Variants in RHBDD1 observed in about 807,000 individuals in gnomAD.
The protein encoded by RHBDD1 is rhomboid-related protein 4.
Under a neutral mutation model 36.3 loss-of-function variants are expected in RHBDD1, and 38 were observed. The observed-to-expected ratio is 1.05, with a 90% CI of 0.81 to 1.37. The LOEUF (loss-of-function observed/expected upper bound fraction) is 1.37. RHBDD1 is among the 40% of genes most tolerant of loss of function. The pLI, the probability that RHBDD1 is intolerant of heterozygous loss-of-function variation, is 0.00. For synonymous variants in RHBDD1, 151 were observed against 136.5 expected, an observed-to-expected ratio of 1.11 and a Z score of -0.74; for missense variants, 393 against 377.6, an observed-to-expected ratio of 1.04 and a Z score of -0.34.
At chr2:226,994,989 CG>C (rs1959080330) in intron 8 of RHBDD1, among the ~76,000 whole-genome samples, 1 of 151,596 alleles carries the variant, frequency 6.6e-6, no homozygotes, top group Non-Finnish European at 1.5e-5. Flanking sequence ...GGGCAGGAGG[CG>C]GCACATTAGA....
the RHBDD1 span, among the ~76,000 whole-genome samples, chr2:226,826,511 T>C: frequency 7.1e-6 from 1 of 140,876 alleles, no homozygotes; most frequent in African/African-American, 2.6e-5. Flanking sequence ...AGAACAATCA[T>C]GATAGATTTT....
intron 5 of RHBDD1, among the ~76,000 whole-genome samples, chr2:226,873,107 G>A (rs374281572): frequency 6.6e-6 from 1 of 152,220 alleles, no homozygotes; most frequent in Non-Finnish European, 1.5e-5. Context: ...CAGGACACTT[G>A]AGAGTGCTGT....
intron 8 of RHBDD1, among the ~76,000 whole-genome samples, chr2:226,966,289 C>G (rs574412592): frequency 6.6e-6 from 1 of 152,322 alleles, no homozygotes; most frequent in South Asian, 2.1e-4. Context: ...TCCTTGCACT[C>G]TTCACCGTAA....
chr2:226,800,721 C>T, the RHBDD1 span, among the ~76,000 whole-genome samples: 9 of 152,344 alleles, frequency 5.9e-5, no homozygotes, highest in African/African-American at 1.9e-4. Flanking sequence ...CAAAACCCTA[C>T]TGTGCAAATA....
chr2:226,889,533 A>G (rs1435678431), intron 5 of RHBDD1, among the ~76,000 whole-genome samples: 1 of 152,216 alleles, frequency 6.6e-6, no homozygotes, highest in Non-Finnish European at 1.5e-5. Flanking sequence ...ACTTGAAGGC[A>G]TGTAGTGTTT....
At chr2:226,861,136 C>T (rs116304333) in intron 3 of RHBDD1, among the ~76,000 whole-genome samples, 2,355 of 152,244 alleles carry the variant, frequency 0.015, 50 homozygotes, top group African/African-American at 0.048. Flanking sequence ...TCTAAGATTA[C>T]GTCCCTGAAA....
chr2:226,955,176 A>G (rs1951708123), intron 8 of RHBDD1, among the ~76,000 whole-genome samples: 2 of 152,124 alleles, frequency 1.3e-5, no homozygotes, highest in African/African-American at 4.8e-5. Flanking sequence ...CATCTTGATG[A>G]TATCGTCAGG....
At chr2:226,846,982 A>G (rs1418774452) in intron 3 of RHBDD1, among the ~76,000 whole-genome samples, 1 of 152,204 alleles carries the variant, frequency 6.6e-6, no homozygotes, top group African/African-American at 2.4e-5. Context: ...GGGTTTTGTC[A>G]AGTAGTGAAT....
intron 5 of RHBDD1, among the ~76,000 whole-genome samples, chr2:226,890,182 A>G (rs1027375936): frequency 2.6e-5 from 4 of 152,198 alleles, no homozygotes; most frequent in African/African-American, 9.6e-5. Context: ...TAAAATAACT[A>G]CAGATTTTAG....
the RHBDD1 span, among the ~76,000 whole-genome samples, chr2:226,816,771 C>T: frequency 6.6e-6 from 1 of 152,110 alleles, no homozygotes; most frequent in Non-Finnish European, 1.5e-5. Context: ...TGGCAGGCAC[C>T]TGTAATTCCA....
chr2:226,945,722 G>T (rs1950946171), intron 8 of RHBDD1, among the ~76,000 whole-genome samples: 1 of 152,102 alleles, frequency 6.6e-6, no homozygotes, highest in Admixed American at 6.5e-5. Flanking sequence ...AGATCCTTGA[G>T]GAATCACCAC....
chr2:226,929,133 G>T (rs937820924), intron 8 of RHBDD1, among the ~76,000 whole-genome samples: 4 of 151,910 alleles, frequency 2.6e-5, no homozygotes, highest in Admixed American at 6.6e-5. Context: ...AGAGGGAATC[G>T]TCCCTAATTC....
In RHBDD1 at chr2:226,914,359, T is replaced by A. The variant is rs1257491575; in HGVS notation, c.856+8T>A. The A allele has an allele frequency of 6.2e-7, 1 of 1,608,404 alleles. No individual in the cohort carries two copies. The highest frequency in any genetic ancestry group is 8.5e-7 in the Non-Finnish European group (1 of 1,177,476). ...CCAGCCTCTGGGACCGAGGTAGGAG[T>A]CTTGCGCCCTTCAGTTATTTTAAAG... On this transcript the variant is annotated splice_region_variant and intron_variant, in intron 8 of 8. Coordinates refer to ENST00000392062, the MANE Select transcript of RHBDD1 (RefSeq NM_001167608.3).
intron 3 of RHBDD1, among the ~76,000 whole-genome samples, chr2:226,849,517 C>T (rs1942576753): frequency 6.6e-6 from 1 of 152,222 alleles, no homozygotes; most frequent in Admixed American, 6.5e-5. Context: ...GCATTGCCCT[C>T]AGGCTCCACC....
intron 5 of RHBDD1, among the ~76,000 whole-genome samples, chr2:226,898,467 G>A (rs948922216): frequency 3.9e-5 from 6 of 152,172 alleles, no homozygotes; most frequent in South Asian, 2.1e-4. Flanking sequence ...TGTAGAGGGT[G>A]CGTTGTCAGT....
intron 8 of RHBDD1, among the ~76,000 whole-genome samples, chr2:226,947,301 A>G (rs1951052493): frequency 6.6e-6 from 1 of 151,900 alleles, no homozygotes; most frequent in Non-Finnish European, 1.5e-5. Context: ...GAAGGGATCC[A>G]GTTTCAGCTT....
At chr2:226,893,126 A>C (rs1200043858) in intron 5 of RHBDD1, among the ~76,000 whole-genome samples, 1 of 152,196 alleles carries the variant, frequency 6.6e-6, no homozygotes, top group East Asian at 1.9e-4. Flanking sequence ...AACTTCCTTT[A>C]ACAAAGATCA....
At position 226,967,620 on chromosome 2, in the gene RHBDD1, C is replaced by T. The variant is rs189425041; in HGVS notation, c.857-27811C>T. On this transcript the variant is annotated intron_variant, in intron 8 of 8. Coordinates refer to ENST00000392062, the MANE Select transcript of RHBDD1 (RefSeq NM_001167608.3). ...TTAGTGGAATTCCACTTTTCTGATC[C>T]GTAATTCTACAACTCGTTGTAGAAG... Among the ~76,000 whole-genome samples, 345 of 145,628 alleles carry T rather than the reference C, an allele frequency of 2.4e-3. 1 individual carries two copies. The highest frequency in any genetic ancestry group is 3.4e-3 in the Non-Finnish European group (230 of 66,906).
At chr2:226,989,302 A>G (rs1282272155) in intron 8 of RHBDD1, among the ~76,000 whole-genome samples, 2 of 152,204 alleles carry the variant, frequency 1.3e-5, no homozygotes, top group Non-Finnish European at 2.9e-5. Flanking sequence ...AGGCATACAT[A>G]TTGTATGGAT....
Sources: gnomAD v4.1 joint callset for allele counts (sites outside exome capture counted in the v4.1 genomes callset) on GRCh38, gnomAD v4.1.1 for gene constraint, MANE v1.5 for transcripts, NCBI Gene and HGNC (gene_info 2026-07-23, HGNC 2026-07-21) for gene names.